The following NFASC variants were observed in gnomAD, a reference collection of about 807,000 sequenced individuals.
The protein encoded by NFASC is neurofascin.
A neutral mutation model predicts 147.5 loss-of-function variants in NFASC; 43 were observed. The observed-to-expected ratio is 0.29, with a 90% CI of 0.23 to 0.38. The LOEUF (loss-of-function observed/expected upper bound fraction) is 0.38. NFASC is among the 10% of genes least tolerant of loss of function. NFASC has a pLI of 1.00. For missense variants in NFASC, 1,320 were observed against 1,689.0 expected, an observed-to-expected ratio of 0.78 and a Z score of 3.83; for synonymous variants, 622 against 665.5, an observed-to-expected ratio of 0.93 and a Z score of 1.01.
At position 204,979,323 on chromosome 1, in the gene NFASC, T is replaced by C. The variant is rs767369448; in HGVS notation, c.1979-39T>C. The C allele has an allele frequency of 7.8e-6, 12 of 1,530,556 alleles. No individual in the cohort carries two copies. The highest frequency in any genetic ancestry group is 1.1e-5 in the Non-Finnish European group (12 of 1,104,316). The allele number at this position is 1,530,556 out of a possible 1,614,324, so 94.8% of individuals were successfully genotyped here. The stretch of plus-strand genomic sequence containing the variant: ...GCTTTTAAAGAAGACCACTGCTAAC[T>C]GAGCTCCCGAAACAGCTCTGTTTTC... On this transcript the variant is annotated intron_variant, in intron 18 of 29. Transcript: ENST00000339876. The surrounding 1 kb of genome is among the most constrained non-coding windows in gnomAD (Gnocchi z 6.0).
At chr1:204,976,053 G>C (rs576046541) in intron 15 of NFASC, among the ~76,000 whole-genome samples, 3 of 152,112 alleles carry the variant, frequency 2.0e-5, no homozygotes, top group Non-Finnish European at 4.4e-5. Flanking sequence ...CTTCCACCCC[G>C]AGGGAGCAAA....
intron 2 of NFASC, among the ~76,000 whole-genome samples, chr1:204,925,941 C>T (rs1317000011): frequency 6.6e-6 from 1 of 152,242 alleles, no homozygotes; most frequent in East Asian, 1.9e-4. Flanking sequence ...TGGAGTCGCA[C>T]AGATATCTCT....
intron 1 of NFASC, among the ~76,000 whole-genome samples, chr1:204,835,483 C>A (rs1283600900): frequency 6.6e-6 from 1 of 152,078 alleles, no homozygotes; most frequent in African/African-American, 2.4e-5. Context: ...CCCACCTTAG[C>A]CTCCCAAAGT....
intron 3 of NFASC, among the ~76,000 whole-genome samples, chr1:204,945,613 C>T (rs1296351787): frequency 6.6e-6 from 1 of 152,238 alleles, no homozygotes; most frequent in African/African-American, 2.4e-5. Flanking sequence ...CCCTGCTGCC[C>T]TCCCAATACC....
At chr1:204,992,815 GT>G (rs1477351064) in intron 24 of NFASC, among the ~76,000 whole-genome samples, 1 of 152,176 alleles carries the variant, frequency 6.6e-6, no homozygotes, top group Non-Finnish European at 1.5e-5. Flanking sequence ...GTCTTGTTCA[GT>G]GGGCATCTGT....
chr1:204,839,272 A>G (rs774111897), intron 1 of NFASC, among the ~76,000 whole-genome samples: 2 of 152,112 alleles, frequency 1.3e-5, no homozygotes, highest in South Asian at 2.1e-4. Context: ...CCTGCTGGGC[A>G]TAAGTCTCTG....
Position 204,970,754 on chromosome 1 carries a change from A to G in NFASC, c.1135+7A>G, listed in dbSNP as rs749916509. The G allele has an allele frequency of 4.3e-6, 7 of 1,614,192 alleles. No homozygotes were observed. The highest frequency in any genetic ancestry group is 5.9e-6 in the Non-Finnish European group (7 of 1,180,010). The stretch of plus-strand genomic sequence containing the variant: ...AATGGGGAACCTTTGCAATGTAAGT[A>G]GCGAGCTGTTGTCCCATCTGACTCT... On this transcript the variant is annotated splice_region_variant and intron_variant, in intron 11 of 29. Coordinates refer to ENST00000339876, the MANE Select transcript of NFASC (RefSeq NM_001005388.3).
Position 204,837,047 on chromosome 1 carries a change from T to A in NFASC, c.-200+8265T>A, listed in dbSNP as rs184205233. Among the ~76,000 whole-genome samples, 10 of 152,370 alleles carry A rather than the reference T, an allele frequency of 6.6e-5. No individual in the cohort carries two copies. The East Asian group carries it at 1.9e-3, about 29-fold the overall frequency. Reference sequence around the variant, plus strand: ...TACTAATCAAGAAATGACTCAGAAGTGTGGCATGACTGACTTGTGACTGCA... The same window carrying A: ...TACTAATCAAGAAATGACTCAGAAGAGTGGCATGACTGACTTGTGACTGCA... On this transcript the variant is annotated intron_variant, in intron 1 of 29. Coordinates refer to ENST00000339876, the MANE Select transcript of NFASC (RefSeq NM_001005388.3).
At chr1:204,832,694 G>A (rs991785600) in intron 1 of NFASC, among the ~76,000 whole-genome samples, 1 of 152,312 alleles carries the variant, frequency 6.6e-6, no homozygotes, top group Middle Eastern at 3.4e-3. Flanking sequence ...AATCTGTCAG[G>A]AGCTGTGCAA....
At chr1:204,907,843 C>G (rs2086335448) in intron 1 of NFASC, among the ~76,000 whole-genome samples, 1 of 152,142 alleles carries the variant, frequency 6.6e-6, no homozygotes, top group Non-Finnish European at 1.5e-5. Flanking sequence ...GCTCATGATG[C>G]CTTGGCATTT....
intron 19 of NFASC, among the ~76,000 whole-genome samples, chr1:204,980,125 A>G (rs180837173): frequency 6.3e-4 from 96 of 152,366 alleles, no homozygotes; most frequent in South Asian, 1.5e-3. Flanking sequence ...GCCTTATGAT[A>G]AATGCTGTCT....
chr1:204,857,158 C>T (rs1022968988), intron 1 of NFASC, among the ~76,000 whole-genome samples: 27 of 152,340 alleles, frequency 1.8e-4, no homozygotes, highest in Admixed American at 1.3e-3. Context: ...TGCATGAGGG[C>T]TCCAGTTTCC....
At chr1:204,832,004 G>A (rs932283007) in intron 1 of NFASC, among the ~76,000 whole-genome samples, 4 of 152,168 alleles carry the variant, frequency 2.6e-5, no homozygotes, top group African/African-American at 9.7e-5. Flanking sequence ...CTATGAAGAG[G>A]GCTTGGCTGA....
intron 1 of NFASC, among the ~76,000 whole-genome samples, chr1:204,903,620 T>C (rs1367790447): frequency 6.6e-6 from 1 of 152,186 alleles, no homozygotes; most frequent in Non-Finnish European, 1.5e-5. Flanking sequence ...CTTGCAGGAC[T>C]GGGGGCCCAG....
rs763473794 is a variant in NFASC, at chr1:204,954,353, C to T, written c.381C>T (p.Ala127=). 1.9e-6 allele frequency: 3 copies of T among 1,614,136 alleles called. No homozygotes were observed. The South Asian group carries it at 3.3e-5, about 18-fold the overall frequency. The change falls in exon 6 of 30, where the codon GCC becomes GCT. Residue 127 remains alanine (A), a synonymous_variant. Transcript: ENST00000339876. This position sits in a 1 kb window ranked among gnomAD's most constrained non-coding sequence, Gnocchi z 5.7. The stretch of plus-strand genomic sequence containing the variant: ...TCGCCCGCAACAAATTTGGCACGGC[C>T]CTGTCCAATAGGATCCGCCTGCAGG... The part of the protein sequence containing the change: ...QCFARNKFGT[A]LSNRIRLQVS...
chr1:204,890,236 C>T (rs963680795), intron 1 of NFASC, among the ~76,000 whole-genome samples: 3 of 152,182 alleles, frequency 2.0e-5, no homozygotes, highest in Non-Finnish European at 2.9e-5. Flanking sequence ...CATCCATTCA[C>T]GCAGGTTGTG....
At chr1:204,867,589 A>G (rs566244549) in intron 1 of NFASC, among the ~76,000 whole-genome samples, 28 of 152,260 alleles carry the variant, frequency 1.8e-4, no homozygotes, top group African/African-American at 6.5e-4. Context: ...CCTGTGCCTG[A>G]TATACACAAA....
chr1:204,882,367 AT>A (rs2148897426), intron 1 of NFASC, among the ~76,000 whole-genome samples: 1 of 151,770 alleles, frequency 6.6e-6, no homozygotes, highest in Admixed American at 6.6e-5. Context: ...CTTTTCCTCA[AT>A]GTTCCAGCCA....
rs964828684 is a variant in NFASC at position 205,022,233 on chromosome 1, A to G, written c.*5694A>G. 6.6e-6 allele frequency: 1 copy of G among 152,614 alleles called. No homozygotes were observed. Among genetic ancestry groups the G allele is most frequent in the Non-Finnish European group, 1.5e-5 (1 of 68,050 alleles). The allele number at this position is 152,614 out of a possible 1,614,324, so 9.5% of individuals were successfully genotyped here. On this transcript the variant is annotated 3_prime_UTR_variant, in exon 30 of 30. Transcript: ENST00000339876. ...TCTGATTCCCAACTGCAATGTCCTCAGTCAGTGTTGTCCCTCTGCCCGGCT... is the reference window on the plus strand; with the variant it reads ...TCTGATTCCCAACTGCAATGTCCTCGGTCAGTGTTGTCCCTCTGCCCGGCT...
Sources: gnomAD v4.1 joint callset for allele counts (sites outside exome capture counted in the v4.1 genomes callset) on GRCh38, gnomAD v4.1.1 for gene constraint, Gnocchi (gnomAD v3.1) non-coding constraint, MANE v1.5 for transcripts, NCBI Gene and HGNC (gene_info 2026-07-23, HGNC 2026-07-21) for gene names.